The following ZFYVE26 variants were observed in gnomAD, a reference collection of about 807,000 sequenced individuals.
The protein encoded by ZFYVE26 is zinc finger FYVE domain-containing protein 26.
A neutral mutation model predicts 276.5 loss-of-function variants in ZFYVE26; 181 were observed. The ratio of observed to expected loss-of-function variants is 0.65; its 90% CI spans 0.58 to 0.74. The LOEUF (loss-of-function observed/expected upper bound fraction) is 0.74. Among genes scored for constraint, ZFYVE26 ranks in the 30% least tolerant of loss-of-function variants. ZFYVE26 has a pLI of 0.00. For synonymous variants in ZFYVE26, 1,129 were observed against 1,203.1 expected (o/e 0.94, Z 1.27); for missense variants, 2,821 against 3,097.9 (o/e 0.91, Z 2.12).
At chr14:67,774,682 T>C (rs2039295356) in intron 27 of ZFYVE26, among the ~76,000 whole-genome samples, 1 of 152,156 alleles carries the variant, frequency 6.6e-6, no homozygotes, top group African/African-American at 2.4e-5. Flanking sequence ...GGAAATAGAA[T>C]AGAATCGTCT....
At chr14:67,815,487 T>C (rs2040383214) in intron 2 of ZFYVE26, 2 of 463,086 alleles carry the variant, frequency 4.3e-6, no homozygotes, top group South Asian at 5.0e-5. Context: ...TAGTTTTCAA[T>C]GCAGTTCCAC....
In ZFYVE26 at chr14:67,783,082, T is replaced by C. The variant is rs747570030; in HGVS notation, c.4070A>G (p.Glu1357Gly). The change falls in exon 21 of 42, where the codon GAG (glutamate) becomes GGG (glycine). Residue 1357 changes from glutamate to glycine, a missense_variant. Glu to Gly is a moderately conservative substitution (Grantham distance 98). Transcript: ENST00000347230. The stretch of plus-strand genomic sequence containing the variant: ...CAGAGGGAATTGTTCCAGAAGGCGC[T>C]CACACTCCCGGGCTACCTGCTCTGC... ...LAAEQVAREC[E>G]RLLEQFPLFE... is the part of the protein sequence containing the mutation. The C allele has an allele frequency of 3.2e-5, 51 of 1,613,564 alleles. No homozygotes were observed. In the Admixed American group the frequency reaches 8.2e-4, roughly 26 times the overall value.
chr14:67,784,212 T>C (rs1208328880), intron 20 of ZFYVE26, 122 bp downstream of exon 20: 3 of 837,438 alleles, frequency 3.6e-6, no homozygotes, highest in African/African-American at 3.3e-5. Context: ...GAATAAAAAA[T>C]TCAGTCAGGA....
rs185276441 is a variant in ZFYVE26 at position 67,771,568 on chromosome 14, C to T, written c.5484+479G>A. ...GGTGACACATATTATCATATTTAATCCTAACAGCTCCATGAGCCTAAGAAT... is the reference window on the plus strand; with the variant it reads ...GGTGACACATATTATCATATTTAATTCTAACAGCTCCATGAGCCTAAGAAT... On this transcript the variant is annotated intron_variant, in intron 28 of 41. Transcript: ENST00000347230. Among the ~76,000 whole-genome samples, 35 of 152,330 alleles carry T rather than the reference C, an allele frequency of 2.3e-4. No individual in the cohort carries two copies. The East Asian group carries it at 6.0e-3, about 26-fold the overall frequency.
intron 13 of ZFYVE26, among the ~76,000 whole-genome samples, chr14:67,740,967 C>G (rs756001498): frequency 6.6e-6 from 1 of 151,588 alleles, no homozygotes; most frequent in Non-Finnish European, 1.5e-5. Context: ...ACTCCATAGA[C>G]AAATGTTGCA....
At position 67,784,413 on chromosome 14, in the gene ZFYVE26, T is replaced by G; in HGVS notation, c.3547A>C (p.Asn1183His). 1 of 1,614,148 alleles carries G rather than the reference T, an allele frequency of 6.2e-7. No individual in the cohort carries two copies. The highest frequency in any genetic ancestry group is 8.5e-7 in the Non-Finnish European group (1 of 1,180,012). ...EPDHVEVKVG[N>H]PFVLLQQSSS... ...CTCTGTTGCAGCAGAACAAAGGGAT[T>G]TCCTACCTTGACCTCCACATGATCT... is the stretch of plus-strand genomic sequence containing the variant. Residue 1183 changes from asparagine (N) to histidine (H), a missense_variant, in exon 20 of 42, where the codon AAT becomes CAT. Coordinates refer to ENST00000347230, the MANE Select transcript of ZFYVE26 (RefSeq NM_015346.4).
Position 67,807,931 on chromosome 14 carries a change from G to T in ZFYVE26, c.364-11C>A. The T allele has an allele frequency of 6.2e-7, 1 of 1,614,134 alleles. No individual in the cohort carries two copies. Among genetic ancestry groups the T allele is most frequent in the Non-Finnish European group, 8.5e-7 (1 of 1,180,004 alleles). The stretch of plus-strand genomic sequence containing the variant: ...GGTCTCATACAGCTCCTAAATAGAG[G>T]ATGAAGAAAAGGATGGGTGGTGGGC... On this transcript the variant is annotated splice_polypyrimidine_tract_variant and intron_variant, in intron 4 of 41. Transcript: ENST00000347230.
Position 67,755,208 on chromosome 14 carries a change from G to A in ZFYVE26, c.6829C>T (p.His2277Tyr), listed in dbSNP as rs777904990. 6.2e-7 allele frequency: 1 copy of A among 1,614,184 alleles called. No homozygotes were observed. Among genetic ancestry groups the A allele is most frequent in the Non-Finnish European group, 8.5e-7 (1 of 1,180,048 alleles). ...AAMTCIRFFSHKAKSYTELGE... is the reference protein window; with the variant it reads ...AAMTCIRFFSYKAKSYTELGE... ...AGTTCTGTATATGACTTTGCTTTGT[G>A]ACTGAAGAACCGAATACAGGTCATG... The change falls in exon 37 of 42, where the codon CAC becomes TAC. Residue 2277 changes from histidine to tyrosine, a missense_variant. Physicochemically the swap from His to Tyr is moderately conservative, Grantham distance 83. Coordinates refer to ENST00000347230, the MANE Select transcript of ZFYVE26 (RefSeq NM_015346.4).
At chr14:67,797,423 A>C in intron 12 of ZFYVE26, 2 of 537,852 alleles carry the variant, frequency 3.7e-6, no homozygotes, top group Non-Finnish European at 3.3e-6. Context: ...GAAAAAAGCA[A>C]GCTGCAGTTC....
At position 67,775,090 on chromosome 14, in the gene ZFYVE26, AT is replaced by A; in HGVS notation, c.5245del (p.Ile1749LeufsTer35). On this transcript the variant is annotated frameshift_variant, in exon 27 of 42. Coordinates refer to ENST00000347230, the MANE Select transcript of ZFYVE26 (RefSeq NM_015346.4). LOFTEE classifies it high-confidence loss of function. ...RSDSVIHLQE[I>X]VHQAADPETL... is the part of the protein sequence containing the mutation. ...CTCGGGATCTGCAGCCTGGTGGACAATTTCTTGGAGGTGAATCACAGAATCT... is the reference window on the plus strand; with the variant it reads ...CTCGGGATCTGCAGCCTGGTGGACAATTCTTGGAGGTGAATCACAGAATCT... 1 of 1,611,456 alleles carries A rather than the reference AT, an allele frequency of 6.2e-7. No individual in the cohort carries two copies. The highest frequency in any genetic ancestry group is 8.5e-7 in the Non-Finnish European group (1 of 1,179,142).
At chr14:67,786,263 A>C (rs757187119) in intron 16 of ZFYVE26, 30 bp from the exon 17 acceptor site, 2 of 1,122,484 alleles carry the variant, frequency 1.8e-6, no homozygotes, top group African/African-American at 2.7e-5. Flanking sequence ...GAGGGAATGC[A>C]AAAAAAAAAA....
intron 32 of ZFYVE26, among the ~76,000 whole-genome samples, chr14:67,764,492 TACAG>T (rs1254507106): frequency 6.6e-6 from 1 of 152,218 alleles, no homozygotes; most frequent in Non-Finnish European, 1.5e-5. Flanking sequence ...TAGCTGGAAT[TACAG>T]ACAAGAGCCA....
chr14:67,742,838 C>CTTTTTTTTTTTTTTTTTTTTTT (rs71446342), downstream of ZFYVE26, among the ~76,000 whole-genome samples: 2 of 89,768 alleles, frequency 2.2e-5, no homozygotes, highest in African/African-American at 1.1e-4. Context: ...TCTTCTTCTT[C>CTTTTTTTTTTTTTTTTTTTTTT]TTTTTTTTTT....
chr14:67,748,938 C>T (rs966373255), intron 41 of ZFYVE26, among the ~76,000 whole-genome samples: 9 of 152,224 alleles, frequency 5.9e-5, no homozygotes, highest in African/African-American at 1.9e-4. Context: ...CCTCCTCACT[C>T]TCCCAGGCTC....
chr14:67,761,148 T>C (rs1056341069), intron 35 of ZFYVE26: 1 of 673,214 alleles, frequency 1.5e-6, no homozygotes, highest in East Asian at 2.7e-5. Flanking sequence ...ATGCCTTTGC[T>C]GGTGAGGGCA....
downstream of ZFYVE26, among the ~76,000 whole-genome samples, chr14:67,743,813 G>C (rs2038448988): frequency 6.6e-6 from 1 of 152,164 alleles, no homozygotes; most frequent in Admixed American, 6.5e-5. Flanking sequence ...TTGTCTTTAA[G>C]TGGGATGAAG....
chr14:67,772,217 G>A lies in ZFYVE26; in HGVS notation c.5321-7C>T. The A allele has an allele frequency of 6.2e-7, 1 of 1,612,286 alleles. No individual in the cohort carries two copies. Among genetic ancestry groups the A allele is most frequent in the Non-Finnish European group, 8.5e-7 (1 of 1,179,402 alleles). On this transcript the variant is annotated splice_polypyrimidine_tract_variant and splice_region_variant and intron_variant, in intron 27 of 41. Transcript: ENST00000347230. ...GAATGTATACTGGAGATACCTGGGAGGCAGAGCCAGAGGTCAGAGTAAAAG... is the reference window on the plus strand; with the variant it reads ...GAATGTATACTGGAGATACCTGGGAAGCAGAGCCAGAGGTCAGAGTAAAAG...
intron 33 of ZFYVE26, 63 bp downstream of exon 33, chr14:67,762,609 G>T: frequency 5.6e-6 from 9 of 1,606,966 alleles, no homozygotes; most frequent in Non-Finnish European, 7.6e-6. Context: ...TGTTTGCAAG[G>T]CTAAGCAAAA....
rs1566849516 is a variant in ZFYVE26, at chr14:67,729,318, G to GCA, written n.3179_3180dup. ...TTGTCAAGACGGCACGGGAGGGGGC[G>GCA]CAGACCAGCCTGCACTGCGCCCTGG... On this transcript the variant is annotated non_coding_transcript_exon_variant, in exon 14 of 15. Transcript: ENST00000394455. 6.2e-7 allele frequency: 1 copy of GCA among 1,600,328 alleles called. No homozygotes were observed. Among genetic ancestry groups the GCA allele is most frequent in the East Asian group, 2.2e-5 (1 of 44,874 alleles).
Sources: allele counts gnomAD v4.1 joint callset (sites outside exome capture counted in the v4.1 genomes callset), GRCh38; gene constraint gnomAD v4.1.1; transcripts MANE v1.5; gene names NCBI Gene and HGNC (gene_info 2026-07-23, HGNC 2026-07-21).